The following PLOD2 variants were observed in gnomAD, a reference collection of about 807,000 sequenced individuals.
PLOD2 encodes the protein procollagen-lysine,2-oxoglutarate 5-dioxygenase 2.
PLOD2 carries 65 observed loss-of-function variants against 101.0 expected under a neutral mutation model. The ratio of observed to expected loss-of-function variants is 0.64; its 90% CI spans 0.53 to 0.79. The LOEUF is 0.79. PLOD2 is among the 30% of genes least tolerant of loss of function. The probability of loss-of-function intolerance (pLI) is 0.00; values close to 1 mark genes in which losing one functional copy is unlikely to be tolerated. For synonymous variants in PLOD2, 314 were observed against 302.9 expected, an observed-to-expected ratio of 1.04 and a Z score of -0.38; for missense variants, 909 against 914.6, an observed-to-expected ratio of 0.99 and a Z score of 0.08.
At chr3:146,079,293 A>C (rs1447534932) in intron 12 of PLOD2, 36 bp from the exon 13 acceptor site, 1 of 1,514,332 alleles carries the variant, frequency 6.6e-7, no homozygotes, top group Non-Finnish European at 9.1e-7. Context: ...ATATACCACA[A>C]ATACAAACAA....
rs949295571 is a variant in PLOD2, at chr3:146,079,375, T to C, written c.1359-118A>G. ...GATTTTGTATACATAAATTATTGAA[T>C]CAACATACAAATATATTCAATGATA... is the stretch of plus-strand genomic sequence containing the variant. On this transcript the variant is annotated intron_variant, in intron 12 of 19. Transcript: ENST00000282903. The C allele has an allele frequency of 3.3e-5, 24 of 725,022 alleles. No individual in the cohort carries two copies. The East Asian group carries it at 6.2e-4, about 19-fold the overall frequency. 44.9% of individuals were successfully genotyped at this position (725,022 alleles called of 1,614,324 possible).
At chr3:146,091,677 A>T in intron 8 of PLOD2, 123 bp downstream of exon 8, 1 of 671,162 alleles carries the variant, frequency 1.5e-6, no homozygotes, top group South Asian at 1.6e-5. Context: ...TTAACACTAT[A>T]TCCCCATTAT....
chr3:146,094,879 A>G (rs954515820), intron 7 of PLOD2, among the ~76,000 whole-genome samples: 1 of 152,186 alleles, frequency 6.6e-6, no homozygotes, highest in African/African-American at 2.4e-5. Flanking sequence ...AGATATATAG[A>G]CCAATGGAAC....
In PLOD2 at chr3:146,076,894, C is replaced by A. The variant is rs775017069; in HGVS notation, c.1565G>T (p.Gly522Val). The A allele has an allele frequency of 1.7e-5, 25 of 1,510,708 alleles. No individual in the cohort carries two copies. Among genetic ancestry groups the A allele is most frequent in the East Asian group, 2.3e-5 (1 of 44,092 alleles). The allele number at this position is 1,510,708 out of a possible 1,614,324, so 93.6% of individuals were successfully genotyped here. ...ETFQMLSPPK[G>V]VFMYISNRHE... ...TCTATTAGAAATGTACATAAATACA[C>A]CCTATATGCCAGAAAATAACAGTAT... is the stretch of plus-strand genomic sequence containing the variant. Residue 522 changes from glycine to valine, a missense_variant and splice_region_variant, in exon 15 of 20, where the codon GGT becomes GTT. By Grantham distance (109) the Gly-to-Val change is moderately radical (BLOSUM62 -3). Coordinates refer to ENST00000282903, the MANE Select transcript of PLOD2 (RefSeq NM_182943.3).
chr3:146,099,047 T>C (rs565770869), intron 7 of PLOD2, among the ~76,000 whole-genome samples: 5 of 152,256 alleles, frequency 3.3e-5, no homozygotes, highest in Admixed American at 6.5e-5. Flanking sequence ...AAATATAATA[T>C]CTATAATAAA....
chr3:146,103,214 T>C (rs532396430), intron 6 of PLOD2, among the ~76,000 whole-genome samples: 102 of 152,314 alleles, frequency 6.7e-4, no homozygotes, highest in African/African-American at 2.0e-3. Context: ...AGTTTAGTCA[T>C]CTATCAAATG....
At chr3:146,082,068 T>C (rs1217733491) in intron 11 of PLOD2, among the ~76,000 whole-genome samples, 1 of 152,184 alleles carries the variant, frequency 6.6e-6, no homozygotes, top group Non-Finnish European at 1.5e-5. Flanking sequence ...TTTTCAATCA[T>C]ATTTCTTAAA....
intron 1 of PLOD2, among the ~76,000 whole-genome samples, chr3:146,142,422 G>A (rs1181728166): frequency 1.3e-5 from 2 of 151,856 alleles, no homozygotes; most frequent in African/African-American, 4.8e-5. Context: ...CCATCTCTCT[G>A]CCTATTCATT....
At chr3:146,121,368 C>T in intron 2 of PLOD2, 120 bp from the exon 3 acceptor site, 1 of 818,286 alleles carries the variant, frequency 1.2e-6, no homozygotes, top group South Asian at 1.4e-5. Context: ...TCTAATGTTT[C>T]ATGGAATCAT....
chr3:146,102,929 G>T (rs1027346277), intron 6 of PLOD2, 77 bp from the exon 7 acceptor site: 3 of 751,432 alleles, frequency 4.0e-6, no homozygotes, highest in Non-Finnish European at 7.2e-6. Flanking sequence ...GTCTGTGTGT[G>T]TATGTGTGTG....
intron 1 of PLOD2, among the ~76,000 whole-genome samples, chr3:146,124,740 A>C (rs2030447559): frequency 6.6e-6 from 1 of 152,166 alleles, no homozygotes; most frequent in Non-Finnish European, 1.5e-5. Context: ...CAAATATTTA[A>C]AACAAAATCT....
At chr3:146,085,389 G>C (rs1251995836) in intron 10 of PLOD2, 116 bp from the exon 11 acceptor site, 2 of 683,812 alleles carry the variant, frequency 2.9e-6, no homozygotes, top group South Asian at 1.7e-5. Flanking sequence ...ATACTTTTCT[G>C]ATCAAAATAG....
intron 8 of PLOD2, among the ~76,000 whole-genome samples, chr3:146,090,532 C>T (rs1044492421): frequency 8.6e-5 from 13 of 151,588 alleles, no homozygotes; most frequent in Admixed American, 2.6e-4. Context: ...ACACTACTTT[C>T]GGCAAAAAAA....
At chr3:146,077,449 G>T in intron 14 of PLOD2, 1 of 168,140 alleles carries the variant, frequency 5.9e-6, no homozygotes, top group Non-Finnish European at 1.3e-5. Context: ...AACACCACTA[G>T]GTAATGTGTT....
intron 1 of PLOD2, among the ~76,000 whole-genome samples, chr3:146,136,123 T>C (rs1353170116): frequency 2.0e-5 from 3 of 152,186 alleles, no homozygotes; most frequent in Admixed American, 1.3e-4. Flanking sequence ...TTCTTACATC[T>C]TCTGGGTTTT....
At chr3:146,124,932 ACTT>A (rs1396778658) in intron 1 of PLOD2, among the ~76,000 whole-genome samples, 5 of 152,112 alleles carry the variant, frequency 3.3e-5, no homozygotes, top group African/African-American at 9.7e-5. Flanking sequence ...CCAACATAAC[ACTT>A]CTTTTTAGTA....
At chr3:146,137,381 G>A (rs34092280) in intron 1 of PLOD2, among the ~76,000 whole-genome samples, 4,182 of 152,124 alleles carry the variant, frequency 0.027, 103 homozygotes, top group Non-Finnish European at 0.037. Flanking sequence ...TGAGTAGCTG[G>A]GACTACAGGT....
At chr3:146,156,989 T>C (rs903399838) in intron 1 of PLOD2, among the ~76,000 whole-genome samples, 2 of 134,792 alleles carry the variant, frequency 1.5e-5, no homozygotes, top group Admixed American at 7.2e-5. Context: ...GTAAAGCAGG[T>C]AAAGCGGGAA....
intron 13 of PLOD2, among the ~76,000 whole-genome samples, chr3:146,078,473 T>C (rs1936419683): frequency 6.6e-6 from 1 of 151,838 alleles, no homozygotes; most frequent in Admixed American, 6.6e-5. Flanking sequence ...AAACCAAAAA[T>C]CATATCAATA....
Sources: gnomAD v4.1 joint callset for allele counts (sites outside exome capture counted in the v4.1 genomes callset) on GRCh38, gnomAD v4.1.1 for gene constraint, MANE v1.5 for transcripts, NCBI Gene and HGNC (gene_info 2026-07-23, HGNC 2026-07-21) for gene names.